NEGR1: variants seen among roughly 807,000 people sequenced by gnomAD.
The protein encoded by NEGR1 is IgLON family member 4.
NEGR1 carries 10 observed loss-of-function variants against 40.9 expected under a neutral mutation model. That is an observed-to-expected ratio of 0.24 (90% confidence interval 0.15 to 0.42). NEGR1 has a LOEUF of 0.42. Ranked by LOEUF, NEGR1 falls within the 10% of genes least tolerant of loss-of-function variation. The pLI, the probability that NEGR1 is intolerant of heterozygous loss-of-function variation, is 1.00. For synonymous variants in NEGR1, 185 were observed against 166.8 expected (o/e 1.11, Z -0.84); for missense variants, 352 against 438.9 (o/e 0.80, Z 1.77).
rs960017547 is a variant in NEGR1 at position 71,402,079 on chromosome 1, C to A, written c.*5367G>T. The A allele has an allele frequency of 6.6e-6, 1 of 151,976 alleles. No homozygotes were observed. The highest frequency in any genetic ancestry group is 1.5e-5 in the Non-Finnish European group (1 of 67,986). 9.4% of individuals were successfully genotyped at this position (151,976 alleles called of 1,614,324 possible). On this transcript the variant is annotated 3_prime_UTR_variant, in exon 7 of 7. Coordinates refer to ENST00000357731, the MANE Select transcript of NEGR1 (RefSeq NM_173808.3). ...ATGAAGCTAGCAATGTGATTATATG[C>A]TTTTCTTTTTCCTAGGTAGTCTGGG... is the stretch of plus-strand genomic sequence containing the variant.
intron 2 of NEGR1, among the ~76,000 whole-genome samples, chr1:71,801,031 C>T (rs1414483290): frequency 2.6e-5 from 4 of 152,186 alleles, no homozygotes; most frequent in Admixed American, 1.3e-4. Flanking sequence ...TTCTTTCCTA[C>T]CACCCTACAA....
intron 6 of NEGR1, among the ~76,000 whole-genome samples, chr1:71,536,063 A>C (rs955964722): frequency 2.6e-5 from 4 of 151,764 alleles, no homozygotes; most frequent in African/African-American, 9.7e-5. Flanking sequence ...GAAGAAATTA[A>C]GCAGACTGTT....
chr1:71,560,970 G>A (rs183880486), intron 6 of NEGR1, among the ~76,000 whole-genome samples: 1 of 151,536 alleles, frequency 6.6e-6, no homozygotes, highest in Admixed American at 6.6e-5. Flanking sequence ...TTATGAATTT[G>A]GACAAGTTAT....
chr1:71,545,013 T>C (rs1223714793), intron 6 of NEGR1, among the ~76,000 whole-genome samples: 7 of 151,722 alleles, frequency 4.6e-5, no homozygotes, highest in Admixed American at 1.3e-4. Context: ...GCTGGCTTAA[T>C]GAAGCATCTC....
intron 3 of NEGR1, among the ~76,000 whole-genome samples, chr1:71,775,346 CTT>C (rs11290277): frequency 3.1e-3 from 406 of 131,464 alleles, no homozygotes; most frequent in Middle Eastern, 8.1e-3. Context: ...TATTCTTTAA[CTT>C]TTTTTTTTTT....
intron 2 of NEGR1, among the ~76,000 whole-genome samples, chr1:71,822,223 C>G (rs1658456384): frequency 1.3e-5 from 2 of 151,842 alleles, no homozygotes; most frequent in South Asian, 4.1e-4. Context: ...GGCCTGGAAG[C>G]AAAAGGCTAG....
chr1:71,806,052 G>C (rs1288957590), intron 2 of NEGR1, among the ~76,000 whole-genome samples: 1 of 151,926 alleles, frequency 6.6e-6, no homozygotes, highest in Non-Finnish European at 1.5e-5. Context: ...TCTAACTCAA[G>C]AATCTGAATA....
intron 1 of NEGR1, among the ~76,000 whole-genome samples, chr1:72,018,926 C>T (rs2100416726): frequency 6.6e-6 from 1 of 152,178 alleles, no homozygotes; most frequent in South Asian, 2.1e-4. Context: ...GGCTGCTCTT[C>T]AGAGAATATG....
intron 1 of NEGR1, among the ~76,000 whole-genome samples, chr1:72,139,193 AT>A (rs1377862954): frequency 8.6e-5 from 13 of 151,238 alleles, no homozygotes; most frequent in Admixed American, 2.0e-4. Flanking sequence ...TAGATTAGTA[AT>A]TTTTTAGAAA....
intron 6 of NEGR1, among the ~76,000 whole-genome samples, chr1:71,519,983 ATTAT>A (rs1647143849): frequency 6.6e-6 from 1 of 152,086 alleles, no homozygotes; most frequent in African/African-American, 2.4e-5. Context: ...TAGTAAAATG[ATTAT>A]TTGAGGATTA....
intron 2 of NEGR1, among the ~76,000 whole-genome samples, chr1:71,927,031 C>G (rs181295541): frequency 6.6e-6 from 1 of 152,210 alleles, no homozygotes; most frequent in East Asian, 1.9e-4. Context: ...TTCTGGAAGA[C>G]AAGCTGGTAT....
chr1:71,408,069 A>G (rs968242452), intron 6 of NEGR1, among the ~76,000 whole-genome samples: 13 of 152,196 alleles, frequency 8.5e-5, no homozygotes, highest in African/African-American at 3.1e-4. Context: ...ATTATAATAC[A>G]GAATATTAGA....
At chr1:72,223,915 A>G (rs1353476322) in intron 1 of NEGR1, among the ~76,000 whole-genome samples, 2 of 152,124 alleles carry the variant, frequency 1.3e-5, no homozygotes, top group Non-Finnish European at 2.9e-5. Flanking sequence ...TCCCCAAGGA[A>G]AGTCTCAGCA....
intron 2 of NEGR1, among the ~76,000 whole-genome samples, chr1:71,865,018 G>A (rs1400093273): frequency 2.6e-5 from 4 of 152,160 alleles, no homozygotes; most frequent in Admixed American, 1.3e-4. Flanking sequence ...AGTTTTTAGA[G>A]AGGACAGTTT....
chr1:71,533,912 A>T (rs567821775), intron 6 of NEGR1, among the ~76,000 whole-genome samples: 1 of 151,802 alleles, frequency 6.6e-6, no homozygotes, highest in African/African-American at 2.4e-5. Flanking sequence ...GTAGCCTGAG[A>T]TCCTTAATTC....
intron 6 of NEGR1, chr1:71,439,958 T>A (rs1054981318): frequency 1.3e-5 from 2 of 152,102 alleles, no homozygotes; most frequent in Non-Finnish European, 2.9e-5. Context: ...TCCTTAGCAC[T>A]TGTGTTCATT....
intron 6 of NEGR1, among the ~76,000 whole-genome samples, chr1:71,507,301 G>C (rs11809973): frequency 6.6e-6 from 1 of 152,192 alleles, no homozygotes; most frequent in East Asian, 1.9e-4. Context: ...GGAAGAATTA[G>C]ACAGGATAGG....
intron 1 of NEGR1, among the ~76,000 whole-genome samples, chr1:72,225,044 T>G (rs919131316): frequency 4.6e-5 from 7 of 152,044 alleles, no homozygotes; most frequent in South Asian, 2.1e-4. Context: ...GAGAACTGAT[T>G]GCAAATCTGA....
intron 1 of NEGR1, among the ~76,000 whole-genome samples, chr1:72,251,284 G>T (rs1319521060): frequency 6.6e-6 from 1 of 152,080 alleles, no homozygotes; most frequent in African/African-American, 2.4e-5. Flanking sequence ...GATTTTTGAA[G>T]TAACTACTTT....
Sources: allele counts gnomAD v4.1 joint callset (sites outside exome capture counted in the v4.1 genomes callset), GRCh38; gene constraint gnomAD v4.1.1; transcripts MANE v1.5; gene names NCBI Gene and HGNC (gene_info 2026-07-23, HGNC 2026-07-21).